The following RIF1 variants were observed in gnomAD, a reference collection of about 807,000 sequenced individuals.
RIF1 encodes the protein replication timing regulatory factor 1.
Under a neutral mutation model 247.1 loss-of-function variants are expected in RIF1, and 45 were observed. The ratio of observed to expected loss-of-function variants is 0.18; its 90% confidence interval spans 0.14 to 0.23. The LOEUF (loss-of-function observed/expected upper bound fraction) is 0.23, where lower values mean the gene tolerates loss of function less well. Ranked by LOEUF, RIF1 falls within the 10% of genes least tolerant of loss-of-function variation. The pLI is 1.00. For missense variants in RIF1, 2,967 were observed against 2,862.5 expected (o/e 1.04, Z -0.83); for synonymous variants, 1,087 against 978.8 (o/e 1.11, Z -2.06).
chr2:151,430,148 T>C (rs1689819017), intron 9 of RIF1, among the ~76,000 whole-genome samples: 1 of 147,000 alleles, frequency 6.8e-6, no homozygotes, highest in African/African-American at 2.5e-5. Flanking sequence ...AGCCTCCCGA[T>C]TAGTTGGGAT....
At chr2:151,474,327 T>C (rs1013068477) in intron 35 of RIF1, among the ~76,000 whole-genome samples, 2 of 152,232 alleles carry the variant, frequency 1.3e-5, no homozygotes, top group African/African-American at 4.8e-5. Context: ...TGAAGTAGTC[T>C]ACCATTTTTA....
downstream of RIF1, among the ~76,000 whole-genome samples, chr2:151,484,169 A>G (rs1203442734): frequency 6.6e-6 from 1 of 152,200 alleles, no homozygotes; most frequent in Non-Finnish European, 1.5e-5. Context: ...GGATCTTGGA[A>G]AGCCAGCTGC....
At chr2:151,487,532 T>C (rs1559081769) in intron 9 of RIF1, among the ~76,000 whole-genome samples, 1 of 152,208 alleles carries the variant, frequency 6.6e-6, no homozygotes, top group Non-Finnish European at 1.5e-5. Context: ...CATGTAAATA[T>C]AGCTGTATCT....
chr2:151,415,360 A>G lies in RIF1; in HGVS notation c.280+441A>G, dbSNP rs139201267. On this transcript the variant is annotated intron_variant, in intron 4 of 35. Coordinates refer to ENST00000444746, the MANE Select transcript of RIF1 (RefSeq NM_018151.5). ...GACCCCATCTCAAAAAAAAAAAAGA[A>G]TGTTTAGATTATCATTACCTACACA... Among the ~76,000 whole-genome samples, 423 of 151,404 alleles carry G rather than the reference A, an allele frequency of 2.8e-3. 2 individuals are homozygous for G. The highest frequency in any genetic ancestry group is 9.9e-3 in the African/African-American group (407 of 41,264).
intron 2 of RIF1, 84 bp downstream of exon 2, chr2:151,410,611 G>C (rs1347071265): frequency 9.1e-6 from 10 of 1,097,908 alleles, no homozygotes; most frequent in South Asian, 1.3e-5. Context: ...CGCGTAGAAT[G>C]AATGTGAGTT....
intron 9 of RIF1, among the ~76,000 whole-genome samples, chr2:151,431,162 C>T (rs528333219): frequency 1.1e-4 from 16 of 152,106 alleles, no homozygotes; most frequent in African/African-American, 3.1e-4. Context: ...GCTGTGGATC[C>T]GGGAAGTCAT....
chr2:151,443,571 T>C lies in RIF1; in HGVS notation c.1848T>C (p.Ser616=). The part of the protein sequence containing the change: ...SLESLVGCVL[S]GPTSPLAFSD... ...AATCACTTGTAGGCTGTGTTCTTTC[T>C]GGTCCAACTTCACCACTAGCTTTCA... Residue 616 remains serine, a synonymous_variant, in exon 18 of 36, where the codon TCT becomes TCC. Coordinates refer to ENST00000444746, the MANE Select transcript of RIF1 (RefSeq NM_018151.5). 6.2e-7 allele frequency: 1 copy of C among 1,609,098 alleles called. No individual in the cohort carries two copies. The highest frequency in any genetic ancestry group is 1.3e-5 in the African/African-American group (1 of 74,806).
At chr2:151,454,808 A>T in intron 21 of RIF1, 87 bp from the exon 22 acceptor site, 1 of 967,068 alleles carries the variant, frequency 1.0e-6, no homozygotes, top group Non-Finnish European at 1.5e-6. Flanking sequence ...TCTAACATTT[A>T]AATGTGAGCT....
the RIF1 span, chr2:151,530,694 T>C: frequency 3.7e-6 from 1 of 267,710 alleles, no homozygotes; most frequent in South Asian, 1.2e-4. Flanking sequence ...TCCTGTCTCG[T>C]CTACACAATA....
At chr2:151,449,282 T>G (rs1383047164) in intron 20 of RIF1, among the ~76,000 whole-genome samples, 1 of 152,218 alleles carries the variant, frequency 6.6e-6, no homozygotes, top group Non-Finnish European at 1.5e-5. Flanking sequence ...TTTTTCTGCA[T>G]GTATATCTTC....
intron 22 of RIF1, among the ~76,000 whole-genome samples, chr2:151,455,771 C>T (rs575115433): frequency 4.6e-4 from 70 of 152,130 alleles, no homozygotes; most frequent in Non-Finnish European, 8.4e-4. Flanking sequence ...TGGAATTAGC[C>T]GCCACCATGC....
chr2:151,497,856 G>A, intron 10 of RIF1: 9 of 1,513,066 alleles, frequency 5.9e-6, no homozygotes, highest in Non-Finnish European at 7.9e-6. Context: ...GACTACTTTA[G>A]TGGAAGCTGT....
chr2:151,526,351 G>T, the RIF1 span: 8 of 889,162 alleles, frequency 9.0e-6, no homozygotes, highest in Non-Finnish European at 1.3e-5. Flanking sequence ...GAACAGCAGC[G>T]TTGACAATAC....
At chr2:151,499,150 C>CTGA in intron 10 of RIF1, 1 of 483,928 alleles carries the variant, frequency 2.1e-6, no homozygotes, top group South Asian at 2.7e-5. Flanking sequence ...ATGGGGAAAA[C>CTGA]TGATTCATAG....
chr2:151,446,307 CTT>C (rs984578468), intron 19 of RIF1, 117 bp from the exon 20 acceptor site: 1 of 922,342 alleles, frequency 1.1e-6, no homozygotes, highest in Non-Finnish European at 1.6e-6. Flanking sequence ...CCGTTAGTGT[CTT>C]TTTTGACACA....
intron 10 of RIF1, chr2:151,498,205 G>T (rs1460916073): frequency 1.3e-6 from 2 of 1,549,080 alleles, no homozygotes; most frequent in Non-Finnish European, 8.7e-7. Flanking sequence ...TAAATGTAAA[G>T]ATCAGTTTAA....
chr2:151,432,996 TA>T, intron 9 of RIF1, 80 bp from the exon 10 acceptor site: 7 of 1,083,928 alleles, frequency 6.5e-6, no homozygotes, highest in Non-Finnish European at 9.2e-6. Flanking sequence ...CTTGCTGTGA[TA>T]AAAGACTGTT....
At chr2:151,423,814 AT>A (rs2152218922) in intron 8 of RIF1, 1 of 152,376 alleles carries the variant, frequency 6.6e-6, no homozygotes, top group Non-Finnish European at 1.5e-5. Context: ...ATTGTGGTAA[AT>A]ATACATGTTC....
At position 151,409,957 on chromosome 2, in the gene RIF1, G is replaced by A. The variant is rs1383302935; in HGVS notation, c.-87G>A. ...CCGCACGCGTGAGTAAACAGCCGGA[G>A]CTGGGAAAGTCGAGCTCTGGCAGCG... On this transcript the variant is annotated 5_prime_UTR_variant, in exon 1 of 36. Coordinates refer to ENST00000444746, the MANE Select transcript of RIF1 (RefSeq NM_018151.5). 7.1e-6 allele frequency: 5 copies of A among 701,746 alleles called. No individual in the cohort carries two copies. Among genetic ancestry groups the A allele is most frequent in the Admixed American group, 6.0e-5 (3 of 49,976 alleles). 43.5% of individuals were successfully genotyped at this position (701,746 alleles called of 1,614,324 possible).
Sources: gnomAD v4.1 joint callset for allele counts (sites outside exome capture counted in the v4.1 genomes callset) on GRCh38, gnomAD v4.1.1 for gene constraint, MANE v1.5 for transcripts, NCBI Gene and HGNC (gene_info 2026-07-23, HGNC 2026-07-21) for gene names.